The following SELENOW variants were observed in gnomAD, a reference collection of about 807,000 sequenced individuals.
The protein encoded by SELENOW is selenoprotein W, also known as selenoprotein W, 1.
In SELENOW, 20 loss-of-function variants were observed where a neutral mutation model predicts 16.6. The ratio of observed to expected loss-of-function variants is 1.21; its 90% confidence interval spans 0.85 to 1.76. The LOEUF (loss-of-function observed/expected upper bound fraction) is 1.76, where lower values mean the gene tolerates loss of function less well. SELENOW is among the 40% of genes most tolerant of loss of function. The pLI, the probability that SELENOW is intolerant of heterozygous loss-of-function variation, is 0.00. For synonymous variants in SELENOW, 44 were observed against 46.2 expected (o/e 0.95, Z 0.19); for missense variants, 124 against 111.0 (o/e 1.12, Z -0.53).
intron 1 of SELENOW, chr19:47,779,079 C>T: frequency 2.0e-6 from 1 of 492,280 alleles, no homozygotes; most frequent in Non-Finnish European, 3.6e-6. Flanking sequence ...TTCGAACCCC[C>T]GACTCCGGGG....
At chr19:47,780,703 A>G (rs1453398582) in intron 1 of SELENOW, 22 bp from the exon 2 acceptor site, 4 of 1,553,408 alleles carry the variant, frequency 2.6e-6, no homozygotes, top group Admixed American at 2.0e-5. Flanking sequence ...CTGGGCCCCA[A>G]TGTCTTGGAC....
intron 5 of SELENOW, chr19:47,782,054 G>A (rs545996047): frequency 6.4e-6 from 1 of 155,962 alleles, no homozygotes; most frequent in African/African-American, 2.4e-5. Flanking sequence ...GCAACCCAAC[G>A]GTTCAGAATC....
Position 47,778,781 on chromosome 19 carries a change from G to A in SELENOW, c.-5G>A. Reference sequence around the variant, plus strand: ...GCTCCTCAGCGGATGTGGCAGCCCCGAGCCATGGCTCTCGCCGTCCGAGTC... The same window carrying A: ...GCTCCTCAGCGGATGTGGCAGCCCCAAGCCATGGCTCTCGCCGTCCGAGTC... On this transcript the variant is annotated 5_prime_UTR_variant, in exon 1 of 6. Transcript: ENST00000601048. 20 of 1,604,544 alleles carry A rather than the reference G, an allele frequency of 1.2e-5. 1 individual carries two copies. The highest frequency in any genetic ancestry group is 7.8e-5 in the South Asian group (7 of 89,564).
At chr19:47,781,010 A>T in intron 3 of SELENOW, 93 bp downstream of exon 3, 1 of 1,548,750 alleles carries the variant, frequency 6.5e-7, no homozygotes, top group Non-Finnish European at 8.9e-7. Flanking sequence ...GGTCAGCCCT[A>T]CGCCCTTCAC....
At chr19:47,783,323 C>A (rs1333961163) in intron 5 of SELENOW, 1 of 152,218 alleles carries the variant, frequency 6.6e-6, no homozygotes, top group Non-Finnish European at 1.5e-5. Context: ...GCCTCAGCCT[C>A]CCAAGTAGCT....
Position 47,778,705 on chromosome 19 carries a change from T to A in SELENOW, c.-81T>A. The A allele has an allele frequency of 6.7e-7, 1 of 1,489,314 alleles. No individual in the cohort carries two copies. Among genetic ancestry groups the A allele is most frequent in the Non-Finnish European group, 9.1e-7 (1 of 1,104,474 alleles). The allele number at this position is 1,489,314 out of a possible 1,614,324, so 92.3% of individuals were successfully genotyped here. On this transcript the variant is annotated 5_prime_UTR_variant, in exon 1 of 6. Transcript: ENST00000601048. The stretch of plus-strand genomic sequence containing the variant: ...CTTTCTGCGCAGGTTCCCGCCGCAC[T>A]CGCGCAGACCTAGCGCGTCCAGGTG...
At chr19:47,782,369 A>G (rs939642482) in intron 5 of SELENOW, 5 of 152,188 alleles carry the variant, frequency 3.3e-5, no homozygotes, top group African/African-American at 1.2e-4. Flanking sequence ...GCTGACTCCC[A>G]GTTCTCCCCA....
chr19:47,780,957 C>T (rs751639510), intron 3 of SELENOW, 40 bp downstream of exon 3: 1 of 1,608,064 alleles, frequency 6.2e-7, no homozygotes, highest in Non-Finnish European at 8.5e-7. Flanking sequence ...AGCACAGCCA[C>T]TGTGTCGGTC....
chr19:47,780,481 T>C (rs773363579), intron 1 of SELENOW: 4 of 566,846 alleles, frequency 7.1e-6, no homozygotes, highest in Non-Finnish European at 1.3e-5. Flanking sequence ...GTTGGTTTTC[T>C]GTGTGTCTCT....
chr19:47,780,620 C>A, intron 1 of SELENOW, 105 bp from the exon 2 acceptor site: 1 of 892,908 alleles, frequency 1.1e-6, no homozygotes, highest in Non-Finnish European at 1.8e-6. Context: ...TCTTCCTGGC[C>A]CCATCTTGCT....
rs372552648 is a variant in SELENOW at position 47,778,751 on chromosome 19, C to T, written c.-35C>T. 1.3e-6 allele frequency: 2 copies of T among 1,592,762 alleles called. No individual in the cohort carries two copies. The highest frequency in any genetic ancestry group is 1.7e-4 in the Middle Eastern group (1 of 5,980). ...AGGTGGGAGGTTAGTGTGGCCCGGG[C>T]GTCCGCTCCTCAGCGGATGTGGCAG... On this transcript the variant is annotated 5_prime_UTR_variant, in exon 1 of 6. Coordinates refer to ENST00000601048, the MANE Select transcript of SELENOW (RefSeq NM_003009.4).
chr19:47,782,266 C>G (rs1325441492), intron 5 of SELENOW: 1 of 152,278 alleles, frequency 6.6e-6, no homozygotes, highest in Non-Finnish European at 1.5e-5. Context: ...GCTCCAGAAA[C>G]TTACCCACTT....
intron 5 of SELENOW, among the ~76,000 whole-genome samples, chr19:47,781,989 G>A (rs2123698118): frequency 6.6e-6 from 1 of 152,248 alleles, no homozygotes; most frequent in African/African-American, 2.4e-5. Flanking sequence ...AGTTGGTGGT[G>A]GGGTCAGAGG....
At chr19:47,780,992 G>A (rs778500720) in intron 3 of SELENOW, 75 bp downstream of exon 3, 1 of 1,570,174 alleles carries the variant, frequency 6.4e-7, no homozygotes, top group Non-Finnish European at 8.8e-7. Context: ...GGCACTGCAG[G>A]GGGGTTAGGT....
chr19:47,778,911 G>A, intron 1 of SELENOW, 97 bp downstream of exon 1: 2 of 1,287,238 alleles, frequency 1.6e-6, no homozygotes, highest in Non-Finnish European at 2.1e-6. Context: ...ACCCATGGGA[G>A]CCCTTGTATG....
intron 5 of SELENOW, among the ~76,000 whole-genome samples, chr19:47,781,843 C>T (rs529079588): frequency 8.8e-5 from 13 of 147,962 alleles, no homozygotes; most frequent in Non-Finnish European, 1.5e-4. Flanking sequence ...TGCAGGATGA[C>T]GGCTGAGATG....
chr19:47,778,748 G>A lies in SELENOW; in HGVS notation c.-38G>A. On this transcript the variant is annotated 5_prime_UTR_variant, in exon 1 of 6. Coordinates refer to ENST00000601048, the MANE Select transcript of SELENOW (RefSeq NM_003009.4). ...TCCAGGTGGGAGGTTAGTGTGGCCC[G>A]GGCGTCCGCTCCTCAGCGGATGTGG... 1 of 1,591,002 alleles carries A rather than the reference G, an allele frequency of 6.3e-7. No individual in the cohort carries two copies. The highest frequency in any genetic ancestry group is 1.8e-5 in the Admixed American group (1 of 56,806).
At chr19:47,783,788 A>G (rs1967502292) in intron 5 of SELENOW, 1 of 152,202 alleles carries the variant, frequency 6.6e-6, no homozygotes, top group East Asian at 1.9e-4. Context: ...AATCCCTCTA[A>G]CATAAAGGAA....
intron 5 of SELENOW, chr19:47,783,006 C>G (rs544610187): frequency 6.6e-6 from 1 of 152,246 alleles, no homozygotes; most frequent in South Asian, 2.1e-4. Context: ...CAGTTACTAG[C>G]CCTTTTTCTG....
Sources: gnomAD v4.1 joint callset for allele counts (sites outside exome capture counted in the v4.1 genomes callset) on GRCh38, gnomAD v4.1.1 for gene constraint, MANE v1.5 for transcripts, NCBI Gene and HGNC (gene_info 2026-07-23, HGNC 2026-07-21) for gene names.